CDH4: variants seen among roughly 807,000 people sequenced by gnomAD.
The protein encoded by CDH4 is cadherin-4.
Under a neutral mutation model 86.0 loss-of-function variants are expected in CDH4, and 33 were observed. The ratio of observed to expected loss-of-function variants is 0.38; its 90% CI spans 0.29 to 0.51. CDH4 has a LOEUF of 0.51. CDH4 is among the 20% of genes least tolerant of loss of function. CDH4 has a pLI of 0.86. For synonymous variants in CDH4, 555 were observed against 549.4 expected, an observed-to-expected ratio of 1.01 and a Z score of -0.14; for missense variants, 1,114 against 1,307.4, an observed-to-expected ratio of 0.85 and a Z score of 2.28.
intron 9 of CDH4, among the ~76,000 whole-genome samples, chr20:61,912,201 C>A (rs2054858526): frequency 6.6e-6 from 1 of 152,218 alleles, no homozygotes. Context: ...TTCACATCTT[C>A]TGGGGCAGAG....
chr20:61,351,275 T>G (rs1212169791), intron 2 of CDH4, among the ~76,000 whole-genome samples: 2 of 152,110 alleles, frequency 1.3e-5, no homozygotes, highest in African/African-American at 4.8e-5. Context: ...CACAATACAA[T>G]CTAACAACTG....
intron 2 of CDH4, among the ~76,000 whole-genome samples, chr20:61,488,747 G>A (rs756853864): frequency 2.0e-5 from 3 of 152,170 alleles, no homozygotes; most frequent in Non-Finnish European, 2.9e-5. Context: ...AACTAAGCAT[G>A]CTCCTGTCGG....
Position 61,923,583 on chromosome 20 carries a change from G to A in CDH4, c.1507G>A (p.Glu503Lys). 6 of 1,614,154 alleles carry A rather than the reference G, an allele frequency of 3.7e-6. No homozygotes were observed. Among genetic ancestry groups the A allele is most frequent in the Non-Finnish European group, 5.1e-6 (6 of 1,180,026 alleles). The change falls in exon 10 of 16, where the codon GAG becomes AAG. Residue 503 changes from glutamate (E) to lysine (K), a missense_variant. By Grantham distance (56) the Glu-to-Lys change is moderately conservative (BLOSUM62 1). Transcript: ENST00000614565. ...GVTISIMDIN[E>K]APYFPSNHKL... ...GACCATCTCCATCATGGACATCAACGAGGCTCCCTACTTCCCCTCAAACCA... is the reference window on the plus strand; with the variant it reads ...GACCATCTCCATCATGGACATCAACAAGGCTCCCTACTTCCCCTCAAACCA...
At chr20:61,570,615 T>C (rs556059694) in intron 2 of CDH4, 1 of 701,690 alleles carries the variant, frequency 1.4e-6, no homozygotes, top group East Asian at 2.7e-5. Flanking sequence ...TCCTGGTGTG[T>C]TTGGGAATGG....
chr20:61,635,173 A>C (rs903547894), intron 2 of CDH4, among the ~76,000 whole-genome samples: 1 of 151,124 alleles, frequency 6.6e-6, no homozygotes, highest in Non-Finnish European at 1.5e-5. Context: ...GAATTGCTGG[A>C]CCCGGCAGTA....
At chr20:61,774,798 A>G (rs549220663) in intron 4 of CDH4, among the ~76,000 whole-genome samples, 2 of 152,092 alleles carry the variant, frequency 1.3e-5, no homozygotes, top group South Asian at 4.2e-4. Context: ...TTCCCACTTT[A>G]GTTTGCTAAG....
intron 2 of CDH4, among the ~76,000 whole-genome samples, chr20:61,725,701 C>G (rs1204520508): frequency 6.6e-6 from 1 of 152,030 alleles, no homozygotes; most frequent in Non-Finnish European, 1.5e-5. Flanking sequence ...ACCTCCACCT[C>G]TCCAGTGGGC....
intron 2 of CDH4, among the ~76,000 whole-genome samples, chr20:61,660,308 C>T (rs896612604): frequency 7.9e-5 from 12 of 152,232 alleles, no homozygotes; most frequent in African/African-American, 2.4e-4. Flanking sequence ...GGCATCTGTT[C>T]TCTTCTTATC....
At chr20:61,743,151 G>C (rs1365291913) in intron 2 of CDH4, among the ~76,000 whole-genome samples, 4 of 152,232 alleles carry the variant, frequency 2.6e-5, no homozygotes, top group Non-Finnish European at 5.9e-5. Context: ...TCCATTAGTG[G>C]CTTCACAGTC....
intron 4 of CDH4, among the ~76,000 whole-genome samples, chr20:61,808,698 A>G (rs1341994352): frequency 6.6e-6 from 1 of 152,210 alleles, no homozygotes; most frequent in African/African-American, 2.4e-5. Context: ...CTGCCTTTCC[A>G]GTGTGGGAGC....
At chr20:61,739,311 G>T (rs1461743187) in intron 2 of CDH4, among the ~76,000 whole-genome samples, 1 of 152,168 alleles carries the variant, frequency 6.6e-6, no homozygotes, top group Admixed American at 6.5e-5. Context: ...AGCCTGATGG[G>T]AGCCCCGGAC....
At chr20:61,578,656 T>C (rs2145715823) in intron 2 of CDH4, among the ~76,000 whole-genome samples, 1 of 152,206 alleles carries the variant, frequency 6.6e-6, no homozygotes, top group East Asian at 1.9e-4. Context: ...CCTGGCCACC[T>C]CTCCTCCATC....
intron 2 of CDH4, among the ~76,000 whole-genome samples, chr20:61,696,893 C>T (rs1233477484): frequency 5.3e-5 from 8 of 152,114 alleles, no homozygotes; most frequent in Non-Finnish European, 1.2e-4. Flanking sequence ...TGGCAGGGGT[C>T]CTTACGAGAG....
chr20:61,786,643 T>G lies in CDH4; in HGVS notation c.576+13461T>G, dbSNP rs536552712. 3.9e-5 allele frequency among the ~76,000 whole-genome samples: 6 copies of G among 152,314 alleles called. No homozygotes were observed. The East Asian group carries it at 7.7e-4, about 20-fold the overall frequency. ...CAAATTGCTGCAAATGCTCAGATAA[T>G]TTATTGGAGAATATTCAATTCGAAT... On this transcript the variant is annotated intron_variant, in intron 4 of 15. Transcript: ENST00000614565.
chr20:61,440,916 C>G (rs1188529435), intron 2 of CDH4, among the ~76,000 whole-genome samples: 1 of 152,166 alleles, frequency 6.6e-6, no homozygotes, highest in African/African-American at 2.4e-5. Context: ...TCGGGAAGAG[C>G]CCAGGTCAGC....
chr20:61,563,264 C>A (rs973314192), intron 2 of CDH4, among the ~76,000 whole-genome samples: 4 of 152,250 alleles, frequency 2.6e-5, no homozygotes, highest in Non-Finnish European at 5.9e-5. Context: ...GTGAAAGTAG[C>A]CGTTTTCACA....
chr20:61,373,638 C>T (rs886494103), intron 2 of CDH4, among the ~76,000 whole-genome samples: 3 of 152,122 alleles, frequency 2.0e-5, no homozygotes, highest in East Asian at 1.9e-4. Context: ...ATATGCGTTC[C>T]GATGACCAGA....
intron 2 of CDH4, among the ~76,000 whole-genome samples, chr20:61,707,768 G>A (rs547469927): frequency 2.6e-5 from 4 of 152,114 alleles, no homozygotes; most frequent in East Asian, 1.9e-4. Context: ...TGAGGAACGC[G>A]CAGCCTAGAT....
chr20:61,686,409 G>C (rs1348922057), intron 2 of CDH4, among the ~76,000 whole-genome samples: 1 of 151,666 alleles, frequency 6.6e-6, no homozygotes, highest in Admixed American at 6.6e-5. Flanking sequence ...ACGTGTGTAT[G>C]TGCCTGTACA....
Sources: allele counts gnomAD v4.1 joint callset (sites outside exome capture counted in the v4.1 genomes callset), GRCh38; gene constraint gnomAD v4.1.1; transcripts MANE v1.5; gene names NCBI Gene and HGNC (gene_info 2026-07-23, HGNC 2026-07-21).